The following GRID2 variants were observed in gnomAD, a reference collection of about 807,000 sequenced individuals.
The protein encoded by GRID2 is glutamate ionotropic receptor delta type subunit 2, also known as glutamate receptor ionotropic, delta-2.
Under a neutral mutation model 114.8 loss-of-function variants are expected in GRID2, and 33 were observed. The ratio of observed to expected loss-of-function variants is 0.29; its 90% CI spans 0.22 to 0.38. The LOEUF (loss-of-function observed/expected upper bound fraction) is 0.38, where lower values mean the gene tolerates loss of function less well. Ranked by LOEUF, GRID2 falls within the 10% of genes least tolerant of loss-of-function variation. The pLI, the probability that GRID2 is intolerant of heterozygous loss-of-function variation, is 1.00. For missense variants in GRID2, 1,184 were observed against 1,257.7 expected, an observed-to-expected ratio of 0.94 and a Z score of 0.89; for synonymous variants, 505 against 449.9, an observed-to-expected ratio of 1.12 and a Z score of -1.55.
chr4:93,116,992 T>C (rs1041331245), intron 4 of GRID2, among the ~76,000 whole-genome samples: 1 of 152,140 alleles, frequency 6.6e-6, no homozygotes, highest in Admixed American at 6.6e-5. Flanking sequence ...AGAACCTAAC[T>C]ACTGTGAATG....
intron 8 of GRID2, among the ~76,000 whole-genome samples, chr4:93,307,215 TAAA>T (rs1164505879): frequency 4.2e-5 from 4 of 95,120 alleles, no homozygotes; most frequent in Non-Finnish European, 7.1e-5. Context: ...AAGAAAAAAA[TAAA>T]AAAAAAAAAA....
At position 92,482,029 on chromosome 4, in the gene GRID2, TATATAA is replaced by T. The variant is rs1245740876; in HGVS notation, c.89-108100_89-108095del. ...ATATATATATATATATATATATATATATATAAAATAACAATACAAGCTTATAGCTGC... is the reference window on the plus strand; with the variant it reads ...ATATATATATATATATATATATATATAATAACAATACAAGCTTATAGCTGC... On this transcript the variant is annotated intron_variant, in intron 1 of 15. Transcript: ENST00000282020. Among the ~76,000 whole-genome samples the T allele has an allele frequency of 1.7e-3, 100 of 59,556 alleles. 3 individuals carry two copies. The highest frequency in any genetic ancestry group is 6.2e-3 in the African/African-American group (93 of 15,030). 39.1% of individuals were successfully genotyped at this position (59,556 alleles called of 152,430 possible).
chr4:92,768,377 T>C (rs1738370657), intron 2 of GRID2, among the ~76,000 whole-genome samples: 1 of 152,222 alleles, frequency 6.6e-6, no homozygotes, highest in Non-Finnish European at 1.5e-5. Flanking sequence ...ATCTGTGACC[T>C]TAATGCCACA....
chr4:93,468,320 A>G (rs970142130), intron 11 of GRID2, among the ~76,000 whole-genome samples: 2 of 152,110 alleles, frequency 1.3e-5, no homozygotes, highest in African/African-American at 4.8e-5. Flanking sequence ...TCATGCCTTC[A>G]TGGAGCTCAT....
chr4:92,675,954 A>T (rs573022556), intron 2 of GRID2, among the ~76,000 whole-genome samples: 4 of 152,070 alleles, frequency 2.6e-5, no homozygotes, highest in Non-Finnish European at 5.9e-5. Context: ...GAAAAAGAAA[A>T]TACAGCCCTA....
At chr4:93,043,321 T>G (rs1396090214) in intron 2 of GRID2, among the ~76,000 whole-genome samples, 1 of 152,168 alleles carries the variant, frequency 6.6e-6, no homozygotes, top group Admixed American at 6.5e-5. Flanking sequence ...ACCATTAACA[T>G]ATAGAGTAAA....
At chr4:93,453,316 AAGAGAG>A (rs3044025) in intron 10 of GRID2, among the ~76,000 whole-genome samples, 5,526 of 127,218 alleles carry the variant, frequency 0.043, 322 homozygotes, top group African/African-American at 0.14. Context: ...AGAGATGGGA[AAGAGAG>A]AGAGAGAGAG....
In GRID2 at chr4:93,129,046, A is replaced by G. The variant is rs527915613; in HGVS notation, c.735+18093A>G. Among the ~76,000 whole-genome samples the G allele has an allele frequency of 5.3e-5, 8 of 152,276 alleles. No individual in the cohort carries two copies. The South Asian group carries it at 1.4e-3, about 28-fold the overall frequency. ...ACAAACCTATCAACCTAGCAGTCCAACCTTCTCTGGACATTAAATTTATAT... is the reference window on the plus strand; with the variant it reads ...ACAAACCTATCAACCTAGCAGTCCAGCCTTCTCTGGACATTAAATTTATAT... On this transcript the variant is annotated intron_variant, in intron 4 of 15. Transcript: ENST00000282020.
intron 11 of GRID2, among the ~76,000 whole-genome samples, chr4:93,472,815 A>G (rs541734111): frequency 2.6e-5 from 4 of 152,316 alleles, no homozygotes; most frequent in Admixed American, 2.0e-4. Flanking sequence ...GGCTCTTTGC[A>G]GACAGTATGA....
At chr4:93,165,398 TA>T (rs141686612) in intron 4 of GRID2, among the ~76,000 whole-genome samples, 6,703 of 152,032 alleles carry the variant, frequency 0.044, 411 homozygotes, top group African/African-American at 0.14. Context: ...AAGATTAGAA[TA>T]AATGAATCTA....
intron 4 of GRID2, among the ~76,000 whole-genome samples, chr4:93,170,694 C>T (rs527610712): frequency 4.6e-5 from 7 of 152,234 alleles, no homozygotes; most frequent in Non-Finnish European, 7.4e-5. Context: ...ATCTGATTGG[C>T]GCAGCTTTGG....
intron 1 of GRID2, among the ~76,000 whole-genome samples, chr4:92,360,456 T>C (rs1728559446): frequency 6.6e-6 from 1 of 151,894 alleles, no homozygotes; most frequent in Non-Finnish European, 1.5e-5. Flanking sequence ...AAACCATTAC[T>C]GAGTGCCATA....
chr4:92,430,873 T>C (rs987881407), intron 1 of GRID2, among the ~76,000 whole-genome samples: 9 of 152,186 alleles, frequency 5.9e-5, no homozygotes, highest in African/African-American at 2.2e-4. Flanking sequence ...CTGTTGTAAA[T>C]GGGATTACTT....
chr4:92,605,029 T>C (rs541827420), intron 2 of GRID2, among the ~76,000 whole-genome samples: 7 of 152,222 alleles, frequency 4.6e-5, no homozygotes, highest in African/African-American at 1.7e-4. Context: ...GTATTTCTCC[T>C]TCCTGATACC....
intron 2 of GRID2, among the ~76,000 whole-genome samples, chr4:92,859,681 T>C (rs1744401243): frequency 1.3e-5 from 2 of 152,136 alleles, no homozygotes; most frequent in Non-Finnish European, 1.5e-5. Flanking sequence ...GACACCTTGA[T>C]TGAGGAGTAG....
At chr4:93,029,843 T>G (rs1724228107) in intron 2 of GRID2, among the ~76,000 whole-genome samples, 2 of 152,188 alleles carry the variant, frequency 1.3e-5, no homozygotes, top group Non-Finnish European at 1.5e-5. Context: ...AAAGAAAATG[T>G]TTAGGTATAA....
At chr4:92,685,454 G>A (rs979334299) in intron 2 of GRID2, among the ~76,000 whole-genome samples, 3 of 151,926 alleles carry the variant, frequency 2.0e-5, no homozygotes, top group Non-Finnish European at 2.9e-5. Flanking sequence ...AGATGAGTGA[G>A]AACTCATCAG....
At chr4:92,578,201 C>T (rs185068949) in intron 1 of GRID2, among the ~76,000 whole-genome samples, 1 of 150,054 alleles carries the variant, frequency 6.7e-6, no homozygotes, top group African/African-American at 2.5e-5. Context: ...ATGTGCCATG[C>T]TGGTGTGCTG....
rs1725724859 is a variant in GRID2, at chr4:92,537,787, GTGTGTGTGTGT to G, written c.89-52343_89-52333del. 8.8e-5 allele frequency among the ~76,000 whole-genome samples: 9 copies of G among 102,546 alleles called. No individual in the cohort carries two copies. The South Asian group carries it at 2.5e-3, about 28-fold the overall frequency. The allele number at this position is 102,546 out of a possible 152,430, so 67.3% of individuals were successfully genotyped here. ...GATCTGCTTTCCAAAAACTTGCGGT[GTGTGTGTGTGT>G]GTGTGTGTGTGTGTGTGTGTGTGTG... On this transcript the variant is annotated intron_variant, in intron 1 of 15. Coordinates refer to ENST00000282020, the MANE Select transcript of GRID2 (RefSeq NM_001510.4).
Sources: allele counts gnomAD v4.1 joint callset (sites outside exome capture counted in the v4.1 genomes callset), GRCh38; gene constraint gnomAD v4.1.1; transcripts MANE v1.5; gene names NCBI Gene and HGNC (gene_info 2026-07-23, HGNC 2026-07-21).